The following FARS2 variants were observed in gnomAD, a reference collection of about 807,000 sequenced individuals.
FARS2 encodes the protein phenylalanine--tRNA ligase, mitochondrial.
Under a neutral mutation model 46.4 loss-of-function variants are expected in FARS2, and 40 were observed. The observed-to-expected ratio is 0.86, with a 90% CI of 0.67 to 1.12. The LOEUF (loss-of-function observed/expected upper bound fraction) is 1.12. Ranked by LOEUF, FARS2 falls within the 50% of genes most tolerant of loss-of-function variation. The pLI is 0.00. For missense variants in FARS2, 513 were observed against 567.9 expected (o/e 0.90, Z 0.98); for synonymous variants, 234 against 214.9 (o/e 1.09, Z -0.78).
chr6:5,722,729 A>T (rs900347931), intron 6 of FARS2, among the ~76,000 whole-genome samples: 1 of 152,100 alleles, frequency 6.6e-6, no homozygotes, highest in Non-Finnish European at 1.5e-5. Context: ...TGCAACGAGG[A>T]TGTCCTTGGA....
intron 2 of FARS2, among the ~76,000 whole-genome samples, chr6:5,388,605 A>G (rs1760289452): frequency 6.6e-6 from 1 of 151,752 alleles, no homozygotes; most frequent in African/African-American, 2.4e-5. Context: ...TCATTTGTGC[A>G]CTCTGTTTTT....
intron 1 of FARS2, among the ~76,000 whole-genome samples, chr6:5,337,496 TC>T (rs760933187): frequency 5.3e-5 from 8 of 152,172 alleles, no homozygotes; most frequent in Non-Finnish European, 8.8e-5. Context: ...ATTCCAATTT[TC>T]TTTTGTGGTT....
intron 4 of FARS2, among the ~76,000 whole-genome samples, chr6:5,523,088 T>C (rs1371732609): frequency 6.6e-6 from 1 of 152,232 alleles, no homozygotes; most frequent in Non-Finnish European, 1.5e-5. Flanking sequence ...TAGAATAGTT[T>C]TATTTTTTAC....
intron 4 of FARS2, among the ~76,000 whole-genome samples, chr6:5,531,020 A>G (rs6923467): frequency 0.18 from 27,455 of 151,728 alleles, 2,978 homozygotes; most frequent in African/African-American, 0.29. Flanking sequence ...TCCTGGTCAC[A>G]TGTTAGCTAC....
At chr6:5,391,943 G>A (rs1334887575) in intron 2 of FARS2, among the ~76,000 whole-genome samples, 1 of 152,160 alleles carries the variant, frequency 6.6e-6, no homozygotes, top group Non-Finnish European at 1.5e-5. Context: ...TGTATTCTGG[G>A]TCATTTGGAT....
At chr6:5,447,700 G>A (rs543227370) in intron 4 of FARS2, among the ~76,000 whole-genome samples, 12 of 152,314 alleles carry the variant, frequency 7.9e-5, no homozygotes, top group African/African-American at 2.2e-4. Flanking sequence ...AAGTGAACCT[G>A]TGTAGTTTAT....
At chr6:5,645,624 G>A (rs1193709245) in intron 6 of FARS2, among the ~76,000 whole-genome samples, 1 of 152,218 alleles carries the variant, frequency 6.6e-6, no homozygotes, top group Non-Finnish European at 1.5e-5. Context: ...CTGCAAAAAT[G>A]AAGCTGGTGC....
chr6:5,586,754 T>C (rs1028042592), intron 5 of FARS2, among the ~76,000 whole-genome samples: 5 of 152,140 alleles, frequency 3.3e-5, no homozygotes, highest in African/African-American at 1.2e-4. Context: ...CTTTAAATTT[T>C]TGGGATAGTT....
chr6:5,306,391 C>T lies in FARS2; in HGVS notation c.-22+44731C>T, dbSNP rs140519003. ...CTTTTAACAGCCATGTGATGGCTGC[C>T]CTGGGAATTGAATGATTTGTAGATG... is the stretch of plus-strand genomic sequence containing the variant. On this transcript the variant is annotated intron_variant, in intron 1 of 6. Transcript: ENST00000274680. Among the ~76,000 whole-genome samples, 27 of 152,222 alleles carry T rather than the reference C, an allele frequency of 1.8e-4. No individual in the cohort carries two copies. The East Asian group carries it at 5.2e-3, about 29-fold the overall frequency.
chr6:5,731,003 A>G (rs6919611), intron 6 of FARS2, among the ~76,000 whole-genome samples: 8,084 of 152,198 alleles, frequency 0.053, 724 homozygotes, highest in African/African-American at 0.19. Context: ...GAAAGCATCA[A>G]CCCTAATGAC....
At chr6:5,443,934 C>T (rs182063144) in intron 4 of FARS2, among the ~76,000 whole-genome samples, 1 of 152,274 alleles carries the variant, frequency 6.6e-6, no homozygotes, top group East Asian at 1.9e-4. Flanking sequence ...AAGAACTTGA[C>T]TTTTTTACTT....
chr6:5,330,537 G>A lies in FARS2; in HGVS notation c.-21-38013G>A, dbSNP rs148606416. Among the ~76,000 whole-genome samples, 15 of 152,198 alleles carry A rather than the reference G, an allele frequency of 9.9e-5. No individual in the cohort carries two copies. The East Asian group carries it at 1.7e-3, about 18-fold the overall frequency. On this transcript the variant is annotated intron_variant, in intron 1 of 6. Transcript: ENST00000274680. ...TATAGGCTAGGAGAATAACTGTAGC[G>A]CATCTTCATGGAGTTTTAACCTCAC...
At chr6:5,743,978 C>T (rs1484907512) in intron 6 of FARS2, among the ~76,000 whole-genome samples, 5 of 152,210 alleles carry the variant, frequency 3.3e-5, no homozygotes, top group African/African-American at 4.8e-5. Context: ...TATAGGAGCT[C>T]GGCCATTTGG....
At chr6:5,254,033 A>G in the FARS2 span, among the ~76,000 whole-genome samples, 1 of 152,162 alleles carries the variant, frequency 6.6e-6, no homozygotes, top group Non-Finnish European at 1.5e-5. Flanking sequence ...GGTCATGCTC[A>G]CTGTTTGGTT....
intron 6 of FARS2, among the ~76,000 whole-genome samples, chr6:5,758,883 C>T (rs1403600336): frequency 6.6e-6 from 1 of 152,064 alleles, no homozygotes; most frequent in Non-Finnish European, 1.5e-5. Context: ...CCTCTTGCCC[C>T]TTCAGCTAGA....
At chr6:5,620,039 T>C (rs1340527854) in intron 6 of FARS2, among the ~76,000 whole-genome samples, 2 of 152,176 alleles carry the variant, frequency 1.3e-5, no homozygotes, top group Non-Finnish European at 2.9e-5. Flanking sequence ...GAAGTTGGTA[T>C]ATGCTTTGCA....
intron 4 of FARS2, among the ~76,000 whole-genome samples, chr6:5,451,243 A>T (rs1206010741): frequency 6.6e-6 from 1 of 152,000 alleles, no homozygotes. Context: ...TTGACTTCTA[A>T]GGCTTTATTA....
rs868748855 is a variant in FARS2, at chr6:5,640,447, G to T, written c.1217+27127G>T. On this transcript the variant is annotated intron_variant, in intron 6 of 6. Transcript: ENST00000274680. ...TCCCAGCCCGAGCTTCCCCCGAGTT[G>T]GAGCACCTAAATGTTACTCCTTCTA... Among the ~76,000 whole-genome samples the T allele has an allele frequency of 3.9e-5, 6 of 152,260 alleles. No individual in the cohort carries two copies. In the Middle Eastern group the frequency reaches 0.01, roughly 259 times the overall value.
chr6:5,710,769 A>G (rs1377235211), intron 6 of FARS2, among the ~76,000 whole-genome samples: 1 of 152,220 alleles, frequency 6.6e-6, no homozygotes, highest in African/African-American at 2.4e-5. Flanking sequence ...ACTGATCGAT[A>G]TATGGGTGAG....
Sources: allele counts gnomAD v4.1 joint callset (sites outside exome capture counted in the v4.1 genomes callset), GRCh38; gene constraint gnomAD v4.1.1; transcripts MANE v1.5; gene names NCBI Gene and HGNC (gene_info 2026-07-23, HGNC 2026-07-21).